Variants in COL25A1 observed in about 807,000 individuals in gnomAD.
COL25A1 encodes collagen type XXV alpha 1 chain.
In COL25A1, 103 loss-of-function variants were observed where a neutral mutation model predicts 128.4. The ratio of observed to expected loss-of-function variants is 0.80; its 90% CI spans 0.68 to 0.94. The LOEUF is 0.94. Ranked by LOEUF, COL25A1 falls within the 40% of genes least tolerant of loss-of-function variation. COL25A1 has a pLI of 0.00. For synonymous variants in COL25A1, 279 were observed against 277.2 expected (o/e 1.01, Z -0.06); for missense variants, 745 against 840.0 (o/e 0.89, Z 1.40).
At chr4:108,941,500 C>T (rs1483034905) in intron 8 of COL25A1, 63 bp from the exon 9 acceptor site, 4 of 1,139,676 alleles carry the variant, frequency 3.5e-6, no homozygotes, top group East Asian at 4.7e-5. Flanking sequence ...GAATAGACAT[C>T]AGAAGGCCCC....
chr4:109,237,835 C>A (rs1779575860), intron 3 of COL25A1, among the ~76,000 whole-genome samples: 1 of 151,914 alleles, frequency 6.6e-6, no homozygotes, highest in Admixed American at 6.6e-5. Flanking sequence ...TGTTCTAGGC[C>A]CCCATTCCCA....
chr4:109,127,702 G>T, intron 3 of COL25A1, among the ~76,000 whole-genome samples: 1 of 152,038 alleles, frequency 6.6e-6, no homozygotes. Flanking sequence ...AAACTCGAGG[G>T]GCTAAGTGGG....
At chr4:108,953,679 T>C (rs11098018) in intron 8 of COL25A1, among the ~76,000 whole-genome samples, 6,627 of 152,178 alleles carry the variant, frequency 0.044, 370 homozygotes, top group African/African-American at 0.13. Flanking sequence ...ACCTGCTCCA[T>C]GAGAAACAAG....
intron 3 of COL25A1, among the ~76,000 whole-genome samples, chr4:109,227,300 T>G (rs1778870266): frequency 6.6e-6 from 1 of 152,214 alleles, no homozygotes; most frequent in Non-Finnish European, 1.5e-5. Flanking sequence ...TCCAAAATTA[T>G]TTACACAATT....
intron 3 of COL25A1, among the ~76,000 whole-genome samples, chr4:109,087,485 C>G (rs2126003277): frequency 6.6e-6 from 1 of 152,208 alleles, no homozygotes; most frequent in East Asian, 1.9e-4. Flanking sequence ...ATCCATGGAC[C>G]ACTCTTGCCT....
At chr4:109,061,225 A>T (rs1377152685) in intron 3 of COL25A1, among the ~76,000 whole-genome samples, 2 of 152,118 alleles carry the variant, frequency 1.3e-5, no homozygotes, top group Non-Finnish European at 2.9e-5. Context: ...AGGAGTGACA[A>T]TCCTTTCTCC....
chr4:109,147,126 T>C lies in COL25A1; in HGVS notation c.368-96947A>G, dbSNP rs544125432. 2.0e-5 allele frequency among the ~76,000 whole-genome samples: 3 copies of C among 152,386 alleles called. No individual in the cohort carries two copies. The East Asian group carries it at 5.8e-4, about 29-fold the overall frequency. ...TGGCAACATTTGCATTTCTCACCTG[T>C]ATTTCCCTAATTGTAACCTGAGTTT... On this transcript the variant is annotated intron_variant, in intron 3 of 37. Coordinates refer to ENST00000399132, the MANE Select transcript of COL25A1 (RefSeq NM_198721.4).
chr4:108,868,712 GA>G (rs1481619015), intron 20 of COL25A1, among the ~76,000 whole-genome samples: 1 of 145,112 alleles, frequency 6.9e-6, no homozygotes, highest in African/African-American at 2.5e-5. Flanking sequence ...AGAAAGGAAG[GA>G]GGGAAGGAAG....
At position 108,921,531 on chromosome 4, in the gene COL25A1, A is replaced by G. The variant is rs1745490628; in HGVS notation, c.709-927T>C. On this transcript the variant is annotated intron_variant, in intron 11 of 37. Transcript: ENST00000399132. ...TTCTTTATTCCATGACATTTAACTA[A>G]TGACCAGCCTATTTTCAGTTTGTGA... is the stretch of plus-strand genomic sequence containing the variant. Among the ~76,000 whole-genome samples, 3 of 152,200 alleles carry G rather than the reference A, an allele frequency of 2.0e-5. No homozygotes were observed. The South Asian group carries it at 6.2e-4, about 32-fold the overall frequency.
chr4:109,280,077 T>A (rs1486644404), intron 3 of COL25A1, among the ~76,000 whole-genome samples: 1 of 152,214 alleles, frequency 6.6e-6, no homozygotes, highest in Non-Finnish European at 1.5e-5. Context: ...CTGGTCTATC[T>A]GGGTCTGCTA....
intron 16 of COL25A1, among the ~76,000 whole-genome samples, chr4:108,891,394 C>T (rs7677908): frequency 0.5 from 76,007 of 152,012 alleles, 21,031 homozygotes; most frequent in East Asian, 0.93. Context: ...TTTCTCTTGC[C>T]AATCATTAAT....
At chr4:108,881,038 G>C (rs1323913845) in intron 19 of COL25A1, among the ~76,000 whole-genome samples, 1 of 152,102 alleles carries the variant, frequency 6.6e-6, no homozygotes. Context: ...AATTTTCCCA[G>C]TTGAACATCG....
At chr4:108,957,655 G>C (rs545998059) in intron 8 of COL25A1, among the ~76,000 whole-genome samples, 88 of 152,322 alleles carry the variant, frequency 5.8e-4, no homozygotes, top group African/African-American at 2.1e-3. Context: ...TTTTAAAAGA[G>C]TGAGTTCCTT....
chr4:109,208,127 T>C (rs776943140), intron 3 of COL25A1, among the ~76,000 whole-genome samples: 4 of 152,164 alleles, frequency 2.6e-5, no homozygotes, highest in Non-Finnish European at 5.9e-5. Context: ...AATATGCAAA[T>C]CACAGCACAG....
chr4:109,166,455 T>C (rs1418501156), intron 3 of COL25A1, among the ~76,000 whole-genome samples: 1 of 152,234 alleles, frequency 6.6e-6, no homozygotes, highest in Non-Finnish European at 1.5e-5. Flanking sequence ...TTCAACTGAA[T>C]CAGTTTTCCA....
In COL25A1 at chr4:108,834,822, G is replaced by A. The variant is rs1257506208; in HGVS notation, c.1657-2389C>T. Among the ~76,000 whole-genome samples the A allele has an allele frequency of 2.6e-5, 4 of 152,242 alleles. No homozygotes were observed. In the East Asian group the frequency reaches 5.8e-4, roughly 22 times the overall value. The stretch of plus-strand genomic sequence containing the variant: ...TCATTATAATAATCAATCAAATTTA[G>A]CATTTCAGAGGAGAAGAAAGAGCTC... On this transcript the variant is annotated intron_variant, in intron 31 of 37. Coordinates refer to ENST00000399132, the MANE Select transcript of COL25A1 (RefSeq NM_198721.4).
intron 36 of COL25A1, among the ~76,000 whole-genome samples, chr4:108,818,656 A>C (rs1169506977): frequency 2.0e-5 from 3 of 152,112 alleles, no homozygotes; most frequent in African/African-American, 4.8e-5. Flanking sequence ...AGACCATTAA[A>C]CTGAAAAGGT....
chr4:108,990,872 G>T (rs1429855730), intron 6 of COL25A1, among the ~76,000 whole-genome samples: 1 of 152,098 alleles, frequency 6.6e-6, no homozygotes, highest in Non-Finnish European at 1.5e-5. Context: ...TAAGTGGTAG[G>T]CCACAACTTA....
At chr4:108,916,597 G>A (rs1313928547) in intron 13 of COL25A1, among the ~76,000 whole-genome samples, 1 of 151,544 alleles carries the variant, frequency 6.6e-6, no homozygotes, top group Non-Finnish European at 1.5e-5. Context: ...TCTCACCAAT[G>A]TCAAAAACAA....
Sources: gnomAD v4.1 joint callset for allele counts (sites outside exome capture counted in the v4.1 genomes callset) on GRCh38, gnomAD v4.1.1 for gene constraint, MANE v1.5 for transcripts, NCBI Gene and HGNC (gene_info 2026-07-23, HGNC 2026-07-21) for gene names.